Variants in MRPL15 observed in about 807,000 individuals in gnomAD.
The protein encoded by MRPL15 is large ribosomal subunit protein uL15m.
Under a neutral mutation model 28.0 loss-of-function variants are expected in MRPL15, and 24 were observed. That is an observed-to-expected ratio of 0.86 (90% confidence interval 0.62 to 1.21). The LOEUF (loss-of-function observed/expected upper bound fraction) is 1.21. Ranked by LOEUF, MRPL15 falls within the 50% of genes most tolerant of loss-of-function variation. MRPL15 has a pLI of 0.00. For synonymous variants in MRPL15, 124 were observed against 137.0 expected, an observed-to-expected ratio of 0.90 and a Z score of 0.66; for missense variants, 343 against 372.4, an observed-to-expected ratio of 0.92 and a Z score of 0.65.
At chr8:54,137,570 C>T in intron 3 of MRPL15, 137 bp downstream of exon 3, 1 of 735,828 alleles carries the variant, frequency 1.4e-6, no homozygotes, top group South Asian at 2.0e-5. Flanking sequence ...TCAAGTGATT[C>T]TCCTGCCTCA....
chr8:54,137,246 C>T (rs1280509166), intron 2 of MRPL15, 22 bp from the exon 3 acceptor site: 4 of 1,600,096 alleles, frequency 2.5e-6, no homozygotes, highest in Non-Finnish European at 3.4e-6. Flanking sequence ...AGTTTTCCAA[C>T]TCTTACATTC....
rs536705434 is a variant in MRPL15 at position 54,135,784 on chromosome 8, A to G, written c.108+393A>G. On this transcript the variant is annotated intron_variant, in intron 1 of 4. Transcript: ENST00000260102. ...GCGATCCGCCTGCCTCGGCCTCCCA[A>G]AGTGCTGGGATTACAGGCGTGAGCC... Among the ~76,000 whole-genome samples the G allele has an allele frequency of 2.2e-4, 34 of 151,892 alleles. 1 individual carries two copies. In the South Asian group the frequency reaches 6.7e-3, roughly 30 times the overall value.
chr8:54,147,375 C>T lies in MRPL15; in HGVS notation c.554-7C>T. The T allele has an allele frequency of 4.4e-6, 7 of 1,586,812 alleles. No homozygotes were observed. The highest frequency in any genetic ancestry group is 6.0e-6 in the Non-Finnish European group (7 of 1,167,270). On this transcript the variant is annotated splice_polypyrimidine_tract_variant and splice_region_variant and intron_variant, in intron 4 of 4. Transcript: ENST00000260102. Reference sequence around the variant, plus strand: ...ATCTCACTTTTTAAATTTAAATTTTCTTTTAGACATTGTATGCAAACCTGT... The same window carrying T: ...ATCTCACTTTTTAAATTTAAATTTTTTTTTAGACATTGTATGCAAACCTGT...
At chr8:54,142,889 T>C in intron 4 of MRPL15, 103 bp downstream of exon 4, 1 of 1,466,164 alleles carries the variant, frequency 6.8e-7, no homozygotes, top group Admixed American at 1.8e-5. Context: ...GTAGTTTGGA[T>C]GTAGTATTGA....
chr8:54,135,375 C>G lies in MRPL15; in HGVS notation c.92C>G (p.Pro31Arg). Residue 31 changes from proline to arginine, a missense_variant, in exon 1 of 5, where the codon CCC becomes CGC. By Grantham distance (103) the Pro-to-Arg change is moderately radical. Transcript: ENST00000260102. Reference sequence around the variant, plus strand: ...AGCCTGGCCAACTTAAAGCCGAATCCCGGCTCCAAGAAACCGGTAAATGGG... The same window carrying G: ...AGCCTGGCCAACTTAAAGCCGAATCGCGGCTCCAAGAAACCGGTAAATGGG... Reference protein sequence around the residue: ...RVSLANLKPNPGSKKPERRPR... With the variant: ...RVSLANLKPNRGSKKPERRPR... 6.5e-7 allele frequency: 1 copy of G among 1,528,258 alleles called. No homozygotes were observed. The highest frequency in any genetic ancestry group is 1.4e-5 in the African/African-American group (1 of 70,762). The allele number at this position is 1,528,258 out of a possible 1,614,324, so 94.7% of individuals were successfully genotyped here.
intron 3 of MRPL15, among the ~76,000 whole-genome samples, chr8:54,139,248 C>G (rs1025796546): frequency 6.6e-6 from 1 of 152,176 alleles, no homozygotes; most frequent in Non-Finnish European, 1.5e-5. Flanking sequence ...ATCCGCCTGC[C>G]TCGGCCTCCC....
At chr8:54,144,787 CAAAA>C (rs1048687149) in intron 4 of MRPL15, among the ~76,000 whole-genome samples, 2 of 150,344 alleles carry the variant, frequency 1.3e-5, no homozygotes, top group Admixed American at 1.3e-4. Flanking sequence ...AAAAAAAAAA[CAAAA>C]AAAATTTGCC....
intron 4 of MRPL15, among the ~76,000 whole-genome samples, chr8:54,146,219 A>G (rs1165253218): frequency 1.3e-5 from 2 of 152,144 alleles, no homozygotes; most frequent in Admixed American, 1.3e-4. Flanking sequence ...GGCCAAGTGA[A>G]GTGGATCACC....
chr8:54,147,300 T>G (rs1811059246), intron 4 of MRPL15, 82 bp from the exon 5 acceptor site: 7 of 1,006,564 alleles, frequency 7.0e-6, no homozygotes, highest in Non-Finnish European at 1.0e-5. Flanking sequence ...CAGAGTTACA[T>G]CTCTATGTTA....
chr8:54,143,113 C>T (rs1810958303), intron 4 of MRPL15, among the ~76,000 whole-genome samples: 1 of 151,794 alleles, frequency 6.6e-6, no homozygotes, highest in Non-Finnish European at 1.5e-5. Context: ...CAGAGTCTTG[C>T]TCTGTTGCCC....
chr8:54,142,539 A>G (rs1305326069), intron 3 of MRPL15, 124 bp from the exon 4 acceptor site: 3 of 1,085,966 alleles, frequency 2.8e-6, no homozygotes, highest in Non-Finnish European at 3.9e-6. Context: ...GATATGGAGG[A>G]CTAACTGTAT....
intron 3 of MRPL15, among the ~76,000 whole-genome samples, chr8:54,141,498 C>T (rs1810925144): frequency 6.6e-6 from 1 of 152,018 alleles, no homozygotes. Context: ...GTCTTACTTA[C>T]ACGGATTGAA....
chr8:54,141,112 A>G (rs1426992894), intron 3 of MRPL15, among the ~76,000 whole-genome samples: 1 of 152,044 alleles, frequency 6.6e-6, no homozygotes, highest in Non-Finnish European at 1.5e-5. Flanking sequence ...CCTCTTGCTT[A>G]CTTAGGGATA....
chr8:54,146,171 C>T (rs1406502141), intron 4 of MRPL15, among the ~76,000 whole-genome samples: 4 of 152,216 alleles, frequency 2.6e-5, no homozygotes, highest in Admixed American at 6.5e-5. Context: ...CCTGGCCGGG[C>T]GCAGTGGCCT....
intron 3 of MRPL15, 117 bp from the exon 4 acceptor site, chr8:54,142,546 G>A: frequency 8.4e-7 from 1 of 1,197,296 alleles, no homozygotes; most frequent in Non-Finnish European, 1.2e-6. Context: ...AGGACTAACT[G>A]TATTGTTATG....
At chr8:54,139,453 A>T (rs749721057) in intron 3 of MRPL15, among the ~76,000 whole-genome samples, 3 of 152,268 alleles carry the variant, frequency 2.0e-5, no homozygotes, top group Non-Finnish European at 4.4e-5. Context: ...CAAATAAAGT[A>T]ATTTGAAAAG....
intron 3 of MRPL15, among the ~76,000 whole-genome samples, chr8:54,141,341 T>C (rs1237993356): frequency 1.3e-5 from 2 of 152,016 alleles, no homozygotes; most frequent in Non-Finnish European, 2.9e-5. Flanking sequence ...GAAGTCGGTA[T>C]TTCCATCTAT....
chr8:54,140,463 A>G (rs1481735072), intron 3 of MRPL15, among the ~76,000 whole-genome samples: 1 of 150,414 alleles, frequency 6.6e-6, no homozygotes, highest in Non-Finnish European at 1.5e-5. Flanking sequence ...GGGTTTTACC[A>G]TGTTGGCCAG....
At chr8:54,138,539 G>C (rs1431284807) in intron 3 of MRPL15, among the ~76,000 whole-genome samples, 5 of 150,638 alleles carry the variant, frequency 3.3e-5, no homozygotes, top group South Asian at 2.1e-4. Flanking sequence ...GGCTGTTCTC[G>C]AACTCCTGAC....
Sources: allele counts gnomAD v4.1 joint callset (sites outside exome capture counted in the v4.1 genomes callset), GRCh38; gene constraint gnomAD v4.1.1; transcripts MANE v1.5; gene names NCBI Gene and HGNC (gene_info 2026-07-23, HGNC 2026-07-21).